PKHD1: variants seen among roughly 807,000 people sequenced by gnomAD.
PKHD1 encodes PKHD1 ciliary IPT domain containing fibrocystin/polyductin, also known as fibrocystin.
Under a neutral mutation model 412.0 loss-of-function variants are expected in PKHD1, and 291 were observed. The ratio of observed to expected loss-of-function variants is 0.71; its 90% CI spans 0.64 to 0.78. The LOEUF (loss-of-function observed/expected upper bound fraction) is 0.78, where lower values mean the gene tolerates loss of function less well. Ranked by LOEUF, PKHD1 falls within the 30% of genes least tolerant of loss-of-function variation. PKHD1 has a pLI of 0.00. For synonymous variants in PKHD1, 1,777 were observed against 1,821.5 expected, an observed-to-expected ratio of 0.98 and a Z score of 0.62; for missense variants, 4,825 against 4,950.7, an observed-to-expected ratio of 0.97 and a Z score of 0.76.
At position 51,791,393 on chromosome 6, in the gene PKHD1, T is replaced by C; in HGVS notation, c.8303-20A>G. The C allele has an allele frequency of 6.2e-7, 1 of 1,611,662 alleles. No individual in the cohort carries two copies. The highest frequency in any genetic ancestry group is 8.5e-7 in the Non-Finnish European group (1 of 1,177,944). Reference sequence around the variant, plus strand: ...TTCTGTCTGTGGAAGAAAAAGAAATTGCTCAGATATGTCACAAAAACAAGA... The same window carrying C: ...TTCTGTCTGTGGAAGAAAAAGAAATCGCTCAGATATGTCACAAAAACAAGA... On this transcript the variant is annotated intron_variant, in intron 52 of 66. Transcript: ENST00000371117.
chr6:51,820,186 T>C (rs1352922564), intron 52 of PKHD1, among the ~76,000 whole-genome samples: 1 of 23,114 alleles, frequency 4.3e-5, no homozygotes, highest in Non-Finnish European at 5.0e-4. Context: ...GCCTAAGGTA[T>C]GTGTTCCAAA....
chr6:51,648,194 G>T, intron 62 of PKHD1, 76 bp from the exon 63 acceptor site: 1 of 806,266 alleles, frequency 1.2e-6, no homozygotes, highest in South Asian at 1.4e-5. Context: ...AGAAAAGATG[G>T]ATCAGATATT....
intron 61 of PKHD1, among the ~76,000 whole-genome samples, chr6:51,651,209 TG>T (rs1197903664): frequency 6.6e-6 from 1 of 152,194 alleles, no homozygotes; most frequent in Non-Finnish European, 1.5e-5. Flanking sequence ...AGCATCTCAC[TG>T]GAGGTCACAG....
intron 60 of PKHD1, among the ~76,000 whole-genome samples, chr6:51,728,199 G>A (rs1782813873): frequency 6.6e-6 from 1 of 152,110 alleles, no homozygotes; most frequent in Admixed American, 6.6e-5. Flanking sequence ...GCTTAAAGAT[G>A]GAACCCACTC....
Position 51,649,189 on chromosome 6 carries a change from T to C in PKHD1, c.11206A>G (p.Ile3736Val), listed in dbSNP as rs1287109742. The C allele has an allele frequency of 1.2e-6, 2 of 1,611,886 alleles. No individual in the cohort carries two copies. Residue 3736 changes from isoleucine (I) to valine (V), a missense_variant, in exon 62 of 67, where the codon ATA (isoleucine) becomes GTA (valine). Transcript: ENST00000371117. The part of the protein sequence containing the change: ...NTSSFKTGNL[I>V]YIRPYALSIL... The stretch of plus-strand genomic sequence containing the variant: ...GAAAGTGCATAGGGCCGAATATATA[T>C]CAAGTTCCCAGTTTTAAAACTGCTT...
intron 46 of PKHD1, among the ~76,000 whole-genome samples, chr6:51,872,685 A>G (rs1259971237): frequency 1.3e-5 from 2 of 152,100 alleles, no homozygotes; most frequent in African/African-American, 4.8e-5. Flanking sequence ...CTGGGATTAC[A>G]GGTGTGAGCC....
At chr6:51,787,665 T>C (rs1327786948) in intron 53 of PKHD1, among the ~76,000 whole-genome samples, 1 of 152,172 alleles carries the variant, frequency 6.6e-6, no homozygotes, top group Non-Finnish European at 1.5e-5. Flanking sequence ...AGAAAAAGAA[T>C]ACACCACTAT....
At chr6:51,824,209 T>C (rs1051053937) in intron 52 of PKHD1, among the ~76,000 whole-genome samples, 1 of 152,082 alleles carries the variant, frequency 6.6e-6, no homozygotes, top group African/African-American at 2.4e-5. Context: ...TATATTAATA[T>C]TTATAAGTAA....
In PKHD1 at chr6:52,025,811, G is replaced by A; in HGVS notation, c.3999C>T (p.Asn1333=). The part of the protein sequence containing the change: ...NLSNSVILLG[N]LNCDVETQSF... ...ACTGTGTCTCAACATCACAGTTCAG[G>A]TTCCCCAGAAGGATGACTGAGTTGG... is the stretch of plus-strand genomic sequence containing the variant. The change falls in exon 32 of 67, where the codon AAC becomes AAT. Residue 1333 remains asparagine, a synonymous_variant. Transcript: ENST00000371117. 6.2e-7 allele frequency: 1 copy of A among 1,614,186 alleles called. No individual in the cohort carries two copies. Among genetic ancestry groups the A allele is most frequent in the Non-Finnish European group, 8.5e-7 (1 of 1,180,032 alleles).
At chr6:51,677,211 T>A (rs907723474) in intron 60 of PKHD1, among the ~76,000 whole-genome samples, 1 of 152,146 alleles carries the variant, frequency 6.6e-6, no homozygotes, top group African/African-American at 2.4e-5. Context: ...ACTCACTGCT[T>A]AGGTCCTAGA....
At chr6:52,029,958 T>C (rs1363689896) in intron 29 of PKHD1, among the ~76,000 whole-genome samples, 1 of 152,208 alleles carries the variant, frequency 6.6e-6, no homozygotes, top group Non-Finnish European at 1.5e-5. Context: ...TGCAGACAAT[T>C]GTAGTCTTAA....
chr6:52,040,377 A>T (rs1804654693), intron 27 of PKHD1, among the ~76,000 whole-genome samples: 1 of 152,144 alleles, frequency 6.6e-6, no homozygotes, highest in Non-Finnish European at 1.5e-5. Context: ...TCTCCCCTGG[A>T]TGTCTGTCAT....
At chr6:51,733,346 C>T (rs536857235) in intron 60 of PKHD1, among the ~76,000 whole-genome samples, 1 of 152,128 alleles carries the variant, frequency 6.6e-6, no homozygotes, top group East Asian at 1.9e-4. Flanking sequence ...CTAGATCATC[C>T]TGGCTAACAC....
At chr6:51,647,495 A>G (rs992458838) in intron 63 of PKHD1, among the ~76,000 whole-genome samples, 16 of 151,548 alleles carry the variant, frequency 1.1e-4, no homozygotes, top group African/African-American at 3.9e-4. Context: ...ACAGGAAGAC[A>G]AAAGAGGGTA....
chr6:52,027,768 C>A (rs1802437691), intron 31 of PKHD1, 61 bp downstream of exon 31: 1 of 1,257,776 alleles, frequency 8.0e-7, no homozygotes, highest in Non-Finnish European at 1.2e-6. Flanking sequence ...GAAACAAAAT[C>A]TGAATATCCA....
intron 11 of PKHD1, 100 bp downstream of exon 11, chr6:52,069,357 G>T: frequency 1.2e-6 from 1 of 840,006 alleles, no homozygotes; most frequent in Non-Finnish European, 2.1e-6. Flanking sequence ...GACAGCTTCG[G>T]GTGTTAATGG....
chr6:51,814,875 C>T (rs913538215), intron 52 of PKHD1, among the ~76,000 whole-genome samples: 1 of 152,030 alleles, frequency 6.6e-6, no homozygotes, highest in Non-Finnish European at 1.5e-5. Flanking sequence ...CTTGCATCTT[C>T]TTACCTGCAG....
intron 36 of PKHD1, among the ~76,000 whole-genome samples, chr6:51,953,870 G>A (rs1021042948): frequency 2.3e-4 from 35 of 152,160 alleles, no homozygotes; most frequent in African/African-American, 7.9e-4. Flanking sequence ...ATGTTTCTGT[G>A]AAGTCAAAGT....
chr6:51,881,920 T>C (rs1460176732), intron 46 of PKHD1, among the ~76,000 whole-genome samples: 1 of 152,200 alleles, frequency 6.6e-6, no homozygotes, highest in African/African-American at 2.4e-5. Context: ...ACTACATTCC[T>C]AGTGAATTAC....
Sources: gnomAD v4.1 joint callset for allele counts (sites outside exome capture counted in the v4.1 genomes callset) on GRCh38, gnomAD v4.1.1 for gene constraint, MANE v1.5 for transcripts, NCBI Gene and HGNC (gene_info 2026-07-23, HGNC 2026-07-21) for gene names.